CTNNA2: variants seen among roughly 807,000 people sequenced by gnomAD.
The protein encoded by CTNNA2 is catenin alpha 2.
Under a neutral mutation model 101.0 loss-of-function variants are expected in CTNNA2, and 42 were observed. The observed-to-expected ratio is 0.42, with a 90% confidence interval of 0.32 to 0.54. The LOEUF (loss-of-function observed/expected upper bound fraction) is 0.54. Among genes scored for constraint, CTNNA2 ranks in the 20% least tolerant of loss-of-function variants. The pLI, the probability that CTNNA2 is intolerant of heterozygous loss-of-function variation, is 0.14. For missense variants in CTNNA2, 871 were observed against 1,223.1 expected (o/e 0.71, Z 4.29); for synonymous variants, 450 against 456.4 (o/e 0.99, Z 0.18).
chr2:79,307,755 C>A (rs951943797), intron 2 of CTNNA2, among the ~76,000 whole-genome samples: 1 of 152,172 alleles, frequency 6.6e-6, no homozygotes, highest in Non-Finnish European at 1.5e-5. Context: ...ATTGCTGAAG[C>A]ATATGGTAGT....
intron 7 of CTNNA2, among the ~76,000 whole-genome samples, chr2:80,233,764 T>C (rs1426825409): frequency 6.6e-6 from 1 of 152,136 alleles, no homozygotes; most frequent in Non-Finnish European, 1.5e-5. Context: ...GGACACCCAC[T>C]AAGTTAGGGA....
chr2:79,386,653 T>A (rs991442689), intron 4 of CTNNA2, among the ~76,000 whole-genome samples: 1 of 152,206 alleles, frequency 6.6e-6, no homozygotes, highest in Non-Finnish European at 1.5e-5. Context: ...TTTGGTCTTT[T>A]CCCTCTCCTT....
At chr2:80,581,960 A>C (rs866554878) in intron 14 of CTNNA2, 141 bp downstream of exon 14, 9 of 590,758 alleles carry the variant, frequency 1.5e-5, no homozygotes, top group Admixed American at 2.8e-5. Context: ...GAGGTTGTTT[A>C]TAGCAAATCA....
intron 7 of CTNNA2, among the ~76,000 whole-genome samples, chr2:80,212,646 C>A (rs2149038347): frequency 6.6e-6 from 1 of 152,274 alleles, no homozygotes; most frequent in South Asian, 2.1e-4. Context: ...ATTTTTGCAT[C>A]AATGTTCATC....
rs148844426 is a variant in CTNNA2, at chr2:79,379,808, A to G, written c.-135+5795A>G. Among the ~76,000 whole-genome samples the G allele has an allele frequency of 3.1e-3, 465 of 152,308 alleles. 6 individuals carry two copies. In the East Asian group the frequency reaches 0.032, roughly 10 times the overall value. On this transcript the variant is annotated intron_variant, in intron 4 of 21. Coordinates refer to the CTNNA2 transcript ENST00000466387. ...ATTCGTATTCAAAAAAAATTTTTTA[A>G]TAATTTTGCCTTTTGCCCTAGTTAA...
At position 80,076,111 on chromosome 2, in the gene CTNNA2, G is replaced by A. The variant is rs74590039; in HGVS notation, c.1056+166314G>A. ...AGCCCTCTTTTCAAAAAGCCTCAAT[G>A]CCACAAAGTCCTCCCCACCTTCTCA... On this transcript the variant is annotated intron_variant, in intron 7 of 18. Coordinates refer to ENST00000402739, the MANE Select transcript of CTNNA2 (RefSeq NM_001282597.3). 5.7e-3 allele frequency among the ~76,000 whole-genome samples: 862 copies of A among 151,906 alleles called. 10 individuals are homozygous for A. Among genetic ancestry groups the A allele is most frequent in the African/African-American group, 0.02 (824 of 41,432 alleles).
intron 7 of CTNNA2, among the ~76,000 whole-genome samples, chr2:80,053,971 G>T (rs1200115265): frequency 6.6e-6 from 1 of 152,200 alleles, no homozygotes; most frequent in Non-Finnish European, 1.5e-5. Flanking sequence ...TTGTTTACAA[G>T]TATTCATTTT....
At chr2:79,460,526 A>G (rs565470398) in intron 4 of CTNNA2, among the ~76,000 whole-genome samples, 1 of 152,158 alleles carries the variant, frequency 6.6e-6, no homozygotes, top group South Asian at 2.1e-4. Flanking sequence ...CTCACTCTCT[A>G]TTCACATTGC....
intron 14 of CTNNA2, among the ~76,000 whole-genome samples, chr2:80,582,130 G>A (rs1017223306): frequency 1.7e-4 from 26 of 152,194 alleles, no homozygotes; most frequent in African/African-American, 6.0e-4. Flanking sequence ...ACTGATAGGG[G>A]ACACTGGAAT....
At chr2:79,508,994 TATATATATATATATATATAA>T (rs1384758348), upstream of CTNNA2, among the ~76,000 whole-genome samples, 267 of 66,866 alleles carry the variant, frequency 4.0e-3, 3 homozygotes, top group Middle Eastern at 6.7e-3. Context: ...TATATATATA[TATATATATATATATATATAA>T]ACAATTACCT....
At chr2:79,596,331 G>A (rs1460050526) in intron 1 of CTNNA2, among the ~76,000 whole-genome samples, 2 of 151,956 alleles carry the variant, frequency 1.3e-5, no homozygotes, top group East Asian at 1.9e-4. Context: ...GGAAAATGGG[G>A]AAAAAAGGAG....
intron 4 of CTNNA2, among the ~76,000 whole-genome samples, chr2:79,415,207 A>G (rs577668710): frequency 6.6e-6 from 1 of 152,202 alleles, no homozygotes; most frequent in South Asian, 2.1e-4. Flanking sequence ...GTGAGTTCAC[A>G]TGAGATCTGG....
At chr2:80,158,454 A>C (rs1314648208) in intron 7 of CTNNA2, among the ~76,000 whole-genome samples, 1 of 152,176 alleles carries the variant, frequency 6.6e-6, no homozygotes, top group Non-Finnish European at 1.5e-5. Flanking sequence ...TCCAACCAAG[A>C]TGTTGTCATT....
At chr2:79,420,997 G>A (rs1462041555) in intron 4 of CTNNA2, among the ~76,000 whole-genome samples, 1 of 152,066 alleles carries the variant, frequency 6.6e-6, no homozygotes, top group Non-Finnish European at 1.5e-5. Flanking sequence ...GCTGATGCAT[G>A]GAAATTTACA....
chr2:79,785,874 A>T (rs901860810), intron 3 of CTNNA2, among the ~76,000 whole-genome samples: 2 of 152,164 alleles, frequency 1.3e-5, no homozygotes, highest in East Asian at 1.9e-4. Context: ...TATCCCAAAG[A>T]AAAAAATGAA....
At chr2:79,821,529 C>T (rs188801425) in intron 3 of CTNNA2, among the ~76,000 whole-genome samples, 61 of 152,152 alleles carry the variant, frequency 4.0e-4, no homozygotes, top group African/African-American at 1.3e-3. Flanking sequence ...AGATGCTAAA[C>T]GCACTACCAA....
At chr2:79,890,254 A>G (rs952400362) in intron 6 of CTNNA2, among the ~76,000 whole-genome samples, 28 of 152,332 alleles carry the variant, frequency 1.8e-4, no homozygotes, top group African/African-American at 6.5e-4. Context: ...GTGGTCCCTG[A>G]TGAATCCAGG....
chr2:80,491,579 T>G (rs1337920637), intron 9 of CTNNA2, among the ~76,000 whole-genome samples: 2 of 152,170 alleles, frequency 1.3e-5, no homozygotes, highest in African/African-American at 2.4e-5. Context: ...AAATATCTGG[T>G]TGGAGGAAGA....
chr2:80,467,669 C>T (rs1684971647), intron 9 of CTNNA2, among the ~76,000 whole-genome samples: 1 of 151,998 alleles, frequency 6.6e-6, no homozygotes, highest in African/African-American at 2.4e-5. Flanking sequence ...TTTATGTCTT[C>T]CCAAAATGCA....
Sources: gnomAD v4.1 joint callset for allele counts (sites outside exome capture counted in the v4.1 genomes callset) on GRCh38, gnomAD v4.1.1 for gene constraint, MANE v1.5 for transcripts, NCBI Gene and HGNC (gene_info 2026-07-23, HGNC 2026-07-21) for gene names.